Variants in PPP6R3 observed in about 807,000 individuals in gnomAD.
The protein encoded by PPP6R3 is protein phosphatase 6 regulatory subunit 3.
Under a neutral mutation model 110.7 loss-of-function variants are expected in PPP6R3, and 38 were observed. The ratio of observed to expected loss-of-function variants is 0.34; its 90% CI spans 0.26 to 0.45. The LOEUF is 0.45. Ranked by LOEUF, PPP6R3 falls within the 20% of genes least tolerant of loss-of-function variation. The pLI is 1.00. For missense variants in PPP6R3, 870 were observed against 1,062.4 expected (o/e 0.82, Z 2.52); for synonymous variants, 369 against 373.5 (o/e 0.99, Z 0.14).
chr11:68,485,695 A>T (rs2098942461), intron 1 of PPP6R3, among the ~76,000 whole-genome samples: 2 of 151,888 alleles, frequency 1.3e-5, no homozygotes, highest in African/African-American at 4.8e-5. Flanking sequence ...TAATTGATTT[A>T]AAAAATTATT....
rs543811056 is a variant in PPP6R3, at chr11:68,613,655, AAT to A, written c.*541_*542del. 3,070 of 985,304 alleles carry A rather than the reference AAT, an allele frequency of 3.1e-3. 5 individuals carry two copies. The highest frequency in any genetic ancestry group is 3.5e-3 in the Non-Finnish European group (2,928 of 829,424). The allele number at this position is 985,304 out of a possible 1,614,324, so 61.0% of individuals were successfully genotyped here. A position where few individuals can be genotyped will look rare whatever the true frequency, so the allele number is the denominator to read the frequency against. On this transcript the variant is annotated 3_prime_UTR_variant, in exon 24 of 24. Transcript: ENST00000393800. ...CTTACAAAAGTGATTTTGAATAAGA[AAT>A]ATTTGGTGTTCTTTTTATAACCAGT...
At chr11:68,599,898 C>T (rs1466664666) in intron 19 of PPP6R3, among the ~76,000 whole-genome samples, 3 of 152,080 alleles carry the variant, frequency 2.0e-5, no homozygotes, top group Non-Finnish European at 2.9e-5. Flanking sequence ...CCAAGGCGGG[C>T]GGTTCACGAG....
At chr11:68,520,823 G>A (rs1046280823) in intron 2 of PPP6R3, among the ~76,000 whole-genome samples, 1 of 152,192 alleles carries the variant, frequency 6.6e-6, no homozygotes, top group African/African-American at 2.4e-5. Context: ...CCAGGCCAGA[G>A]TGTAGTGGTG....
intron 5 of PPP6R3, 98 bp from the exon 6 acceptor site, chr11:68,551,023 C>A: frequency 1.1e-6 from 1 of 876,150 alleles, no homozygotes; most frequent in Non-Finnish European, 1.8e-6. Context: ...TAACATTCTA[C>A]TTAAAATGTG....
intron 1 of PPP6R3, among the ~76,000 whole-genome samples, chr11:68,479,344 T>G (rs1295914640): frequency 1.3e-5 from 2 of 152,212 alleles, no homozygotes; most frequent in African/African-American, 4.8e-5. Context: ...GCATTTTGAC[T>G]GTGGTCTGTC....
intron 8 of PPP6R3, 32 bp from the exon 9 acceptor site, chr11:68,564,271 A>G (rs991122867): frequency 1.3e-6 from 2 of 1,571,560 alleles, no homozygotes; most frequent in Non-Finnish European, 1.7e-6. Flanking sequence ...TTCTGAAATT[A>G]TAATAACTAA....
At chr11:68,593,405 G>A (rs6591344) in intron 18 of PPP6R3, among the ~76,000 whole-genome samples, 34,972 of 152,044 alleles carry the variant, frequency 0.23, 4,261 homozygotes, top group Middle Eastern at 0.32. Context: ...TCCATTAAGA[G>A]GATACACTAC....
At chr11:68,583,777 G>T (rs1372341629) in intron 15 of PPP6R3, among the ~76,000 whole-genome samples, 1 of 152,172 alleles carries the variant, frequency 6.6e-6, no homozygotes, top group East Asian at 1.9e-4. Context: ...AAAAACAGAA[G>T]CCCTTTTGCA....
chr11:68,500,955 C>T (rs1027873637), intron 1 of PPP6R3, among the ~76,000 whole-genome samples: 1 of 152,216 alleles, frequency 6.6e-6, no homozygotes, highest in Non-Finnish European at 1.5e-5. Flanking sequence ...ACTTCCGCCG[C>T]CTTCCTTTTC....
At chr11:68,487,819 A>AATTTTTAATAAAGAC (rs1676652384) in intron 1 of PPP6R3, among the ~76,000 whole-genome samples, 1 of 152,150 alleles carries the variant, frequency 6.6e-6, no homozygotes, top group African/African-American at 2.4e-5. Flanking sequence ...GTTCTGTATG[A>AATTTTTAATAAAGAC]ACTTGAGAAC....
Position 68,548,128 on chromosome 11 carries a change from C to T in PPP6R3, c.476C>T (p.Thr159Ile), listed in dbSNP as rs1181601384. ...GACCTTATTATAAAGCACATAGGAA[C>T]TTCTGCTATCATGGATTTGTTGCTC... ...FVDLIIKHIG[T>I]SAIMDLLLRL... Residue 159 changes from threonine to isoleucine, a missense_variant, in exon 5 of 24, where the codon ACT (threonine) becomes ATT (isoleucine). Transcript: ENST00000393800. The T allele has an allele frequency of 6.2e-7, 1 of 1,613,940 alleles. No individual in the cohort carries two copies. The highest frequency in any genetic ancestry group is 8.5e-7 in the Non-Finnish European group (1 of 1,179,810).
At chr11:68,461,188 G>A (rs2098702959) in intron 1 of PPP6R3, among the ~76,000 whole-genome samples, 1 of 151,158 alleles carries the variant, frequency 6.6e-6, no homozygotes, top group South Asian at 2.1e-4. Flanking sequence ...GCCGGCCGCG[G>A]CCCGCAGTCT....
chr11:68,503,519 A>C (rs935265821), intron 1 of PPP6R3, among the ~76,000 whole-genome samples: 3 of 152,212 alleles, frequency 2.0e-5, no homozygotes, highest in Non-Finnish European at 4.4e-5. Flanking sequence ...GCCAGTGAGA[A>C]AACAACGAGT....
intron 1 of PPP6R3, among the ~76,000 whole-genome samples, chr11:68,467,659 G>A (rs2098757913): frequency 1.3e-5 from 2 of 152,214 alleles, no homozygotes; most frequent in Non-Finnish European, 2.9e-5. Context: ...GTTGGGCTTT[G>A]GTCCTCAGAT....
intron 16 of PPP6R3, 134 bp downstream of exon 16, chr11:68,588,158 C>G: frequency 1.3e-6 from 1 of 781,636 alleles, no homozygotes; most frequent in Non-Finnish European, 2.2e-6. Flanking sequence ...CGGTGTTCCT[C>G]TAGTTCCAGC....
intron 1 of PPP6R3, among the ~76,000 whole-genome samples, chr11:68,477,741 AATAT>A (rs1179617745): frequency 0.045 from 2,592 of 57,790 alleles, 75 homozygotes; most frequent in Middle Eastern, 0.14. Flanking sequence ...AAAAAAAAAA[AATAT>A]ATATATATAT....
At chr11:68,570,986 T>G (rs2099502466) in intron 11 of PPP6R3, 54 bp from the exon 12 acceptor site, 1 of 1,558,794 alleles carries the variant, frequency 6.4e-7, no homozygotes, top group Admixed American at 2.0e-5. Flanking sequence ...TGTTTCACTT[T>G]AAAGTTTTGA....
chr11:68,465,288 A>C (rs2098737943), intron 1 of PPP6R3, among the ~76,000 whole-genome samples: 1 of 152,172 alleles, frequency 6.6e-6, no homozygotes. Context: ...CAGTATGCTC[A>C]GCCTTTAACA....
chr11:68,603,307 T>A (rs1283355776), intron 21 of PPP6R3, 35 bp from the exon 22 acceptor site: 1 of 1,611,128 alleles, frequency 6.2e-7, no homozygotes, highest in Admixed American at 1.7e-5. Flanking sequence ...CTTTTCGGGC[T>A]TGCTGTGTGT....
Sources: allele counts gnomAD v4.1 joint callset (sites outside exome capture counted in the v4.1 genomes callset), GRCh38; gene constraint gnomAD v4.1.1; transcripts MANE v1.5; gene names NCBI Gene and HGNC (gene_info 2026-07-23, HGNC 2026-07-21).